The following SGSH variants were observed in gnomAD, a reference collection of about 807,000 sequenced individuals.
SGSH encodes N-sulfoglucosamine sulfohydrolase, also known as heparan sulfate sulfatase.
In SGSH, 48 loss-of-function variants were observed where a neutral mutation model predicts 51.0. That is an observed-to-expected ratio of 0.94 (90% CI 0.75 to 1.20). The LOEUF is 1.20. Among genes scored for constraint, SGSH ranks in the 50% most tolerant of loss-of-function variants. SGSH has a pLI of 0.00. For synonymous variants in SGSH, 321 were observed against 313.4 expected (o/e 1.02, Z -0.26); for missense variants, 662 against 717.8 (o/e 0.92, Z 0.89).
Position 80,209,893 on chromosome 17 carries a change from TGCCCAAAGGTC to T in SGSH, c.*548_*558del. The T allele has an allele frequency of 4.0e-6, 4 of 991,316 alleles. No individual in the cohort carries two copies. The highest frequency in any genetic ancestry group is 4.8e-6 in the Non-Finnish European group (4 of 833,218). The allele number at this position is 991,316 out of a possible 1,614,324, so 61.4% of individuals were successfully genotyped here. A position where few individuals can be genotyped will look rare whatever the true frequency, so the allele number is the denominator to read the frequency against. On this transcript the variant is annotated 3_prime_UTR_variant, in exon 8 of 8. Transcript: ENST00000326317. ...GGGCAAAACAGAAGAAGCAGAAACC[TGCCCAAAGGTC>T]GCTCAAAGGCTTCCTCTAGGCCAGA... is the stretch of plus-strand genomic sequence containing the variant.
At chr17:80,203,768 C>T (rs2041119880), downstream of SGSH, 2 of 1,448,416 alleles carry the variant, frequency 1.4e-6, no homozygotes, top group Non-Finnish European at 1.9e-6. The surrounding 1 kb of genome is among the most constrained non-coding windows in gnomAD (Gnocchi z 4.6). Flanking sequence ...CTCTCCCCTG[C>T]CCTGCTCACC....
chr17:80,205,384 T>G, downstream of SGSH: 1 of 1,225,292 alleles, frequency 8.2e-7, no homozygotes, highest in Non-Finnish European at 1.1e-6. Context: ...GAGCGGGGTG[T>G]GCAGGGTCAG....
Position 80,220,222 on chromosome 17 carries a change from T to G in SGSH, c.88+4A>C. 3 of 1,516,596 alleles carry G rather than the reference T, an allele frequency of 2.0e-6. No homozygotes were observed. Among genetic ancestry groups the G allele is most frequent in the Non-Finnish European group, 1.8e-6 (2 of 1,138,078 alleles). 93.9% of individuals were successfully genotyped at this position (1,516,596 alleles called of 1,614,324 possible). On this transcript the variant is annotated splice_donor_region_variant and intron_variant, in intron 1 of 7. Transcript: ENST00000326317. ...GGGCGTGGGGGGGCGGCGCCGGCACTCACCGAGGAGCAGCAGTGCGTTCCG... is the reference window on the plus strand; with the variant it reads ...GGGCGTGGGGGGGCGGCGCCGGCACGCACCGAGGAGCAGCAGTGCGTTCCG...
downstream of SGSH, chr17:80,202,510 C>T: frequency 1.3e-6 from 2 of 1,537,314 alleles, no homozygotes; most frequent in Non-Finnish European, 1.7e-6. Context: ...TCCTGCCCAG[C>T]AATAGAGGGT....
chr17:80,204,262 C>T (rs747692472), downstream of SGSH: 7 of 1,598,694 alleles, frequency 4.4e-6, no homozygotes, highest in Non-Finnish European at 5.1e-6. Flanking sequence ...TGGTCCGCAT[C>T]GTCAGTATGG....
rs1044472693 is a variant in SGSH, at chr17:80,220,303, G to T, written c.11C>A (p.Pro4His). 3.3e-6 allele frequency: 5 copies of T among 1,505,784 alleles called. No homozygotes were observed. The highest frequency in any genetic ancestry group is 2.7e-5 in the East Asian group (1 of 37,236). 93.3% of individuals were successfully genotyped at this position (1,505,784 alleles called of 1,614,324 possible). A position where few individuals can be genotyped will look rare whatever the true frequency, so the allele number is the denominator to read the frequency against. MSCPVPACCALLLV... is the reference protein window; with the variant it reads MSCHVPACCALLLV... ...CAGCAGCGCGCAGCAGGCGGGCACGGGGCAGCTCATGGCGGCGGCGGCTCG... is the reference window on the plus strand; with the variant it reads ...CAGCAGCGCGCAGCAGGCGGGCACGTGGCAGCTCATGGCGGCGGCGGCTCG... The change falls in exon 1 of 8, where the codon CCC becomes CAC. Residue 4 changes from proline to histidine, a missense_variant. Coordinates refer to ENST00000326317, the MANE Select transcript of SGSH (RefSeq NM_000199.5).
chr17:80,207,074 A>C (rs2041361338), downstream of SGSH: 1 of 1,613,404 alleles, frequency 6.2e-7, no homozygotes, highest in African/African-American at 1.3e-5. Flanking sequence ...AGAAGATGGC[A>C]AAGAAGCTCA....
chr17:80,212,017 C>G lies in SGSH; in HGVS notation c.949+54G>C. 2 of 1,474,642 alleles carry G rather than the reference C, an allele frequency of 1.4e-6. No homozygotes were observed. Among genetic ancestry groups the G allele is most frequent in the Non-Finnish European group, 1.9e-6 (2 of 1,055,784 alleles). The allele number at this position is 1,474,642 out of a possible 1,614,324, so 91.3% of individuals were successfully genotyped here. A position where few individuals can be genotyped will look rare whatever the true frequency, so the allele number is the denominator to read the frequency against. On this transcript the variant is annotated intron_variant, in intron 7 of 7. Transcript: ENST00000326317. The surrounding 1 kb of genome is among the most constrained non-coding windows in gnomAD (Gnocchi z 5.9). ...GGAGCAGCATCTGACAGGTCATGGCCCCGTCCCAGATCCACTCCCACACCT... is the reference window on the plus strand; with the variant it reads ...GGAGCAGCATCTGACAGGTCATGGCGCCGTCCCAGATCCACTCCCACACCT...
chr17:80,207,366 C>T (rs1028528952), downstream of SGSH, among the ~76,000 whole-genome samples: 3 of 152,192 alleles, frequency 2.0e-5, no homozygotes. Flanking sequence ...GCCTGGCCAA[C>T]ATGGAGAAAC....
chr17:80,202,352 T>C (rs1424622360), downstream of SGSH: 2 of 1,613,458 alleles, frequency 1.2e-6, no homozygotes, highest in Non-Finnish European at 1.7e-6. Context: ...GCTGCTGGCA[T>C]GCCCACCGCG....
At chr17:80,214,918 C>A in intron 3 of SGSH, 115 bp downstream of exon 3, 1 of 1,298,482 alleles carries the variant, frequency 7.7e-7, no homozygotes, top group Non-Finnish European at 1.1e-6. Context: ...GGGACAAGAG[C>A]TAAGGGCAGG....
At chr17:80,218,315 A>G (rs1344899654) in intron 1 of SGSH, among the ~76,000 whole-genome samples, 1 of 152,222 alleles carries the variant, frequency 6.6e-6, no homozygotes, top group Non-Finnish European at 1.5e-5. Flanking sequence ...TTCATCCTAC[A>G]CAAAGCAGCT....
At chr17:80,205,591 G>A (rs1328714675), downstream of SGSH, 2 of 1,572,846 alleles carry the variant, frequency 1.3e-6, no homozygotes, top group South Asian at 1.2e-5. Context: ...ATCCAGGAGG[G>A]AGAGGTGTCC....
chr17:80,208,112 G>C (rs559146307), downstream of SGSH: 307 of 1,217,088 alleles, frequency 2.5e-4, no homozygotes, highest in Non-Finnish European at 3.1e-4. Context: ...CCCTGAGCCC[G>C]CCCCCCCCAA....
intron 2 of SGSH, among the ~76,000 whole-genome samples, chr17:80,215,511 T>C (rs1190972328): frequency 2.0e-5 from 3 of 152,240 alleles, no homozygotes; most frequent in African/African-American, 7.2e-5. Flanking sequence ...TTGTAAAAGA[T>C]GTGTACATTT....
Position 80,210,678 on chromosome 17 carries a change from CGGAGGTCCTTG to C in SGSH, c.1272_1282del (p.Tyr424Ter), listed in dbSNP as rs752914124. ...CCAGCGCGCCCGGTAGTAGTAATGACGGAGGTCCTTGTACCAGCCCGTGGGCTGACCAGCTG... is the reference window on the plus strand; with the variant it reads ...CCAGCGCGCCCGGTAGTAGTAATGACTACCAGCCCGTGGGCTGACCAGCTG... On this transcript the variant is annotated stop_gained and frameshift_variant, in exon 8 of 8. Transcript: ENST00000326317. LOFTEE classifies it high-confidence loss of function. 101 of 1,614,036 alleles carry C rather than the reference CGGAGGTCCTTG, an allele frequency of 6.3e-5. No homozygotes were observed. Among genetic ancestry groups the C allele is most frequent in the Non-Finnish European group, 8.5e-5 (100 of 1,180,028 alleles).
rs138927823 is a variant in SGSH, at chr17:80,212,198, G to A, written c.822C>T (p.Asn274=). 8.1e-6 allele frequency: 13 copies of A among 1,613,304 alleles called. No homozygotes were observed. Among genetic ancestry groups the A allele is most frequent in the Middle Eastern group, 1.6e-4 (1 of 6,084 alleles). ...TCCTGCCGCTGGGGAAGGGGATCCC[G>A]TTGTCGGACGTGAAGATCACCAGTG... ...NDTLVIFTSD[N]GIPFPSGRTN... Residue 274 remains asparagine, a synonymous_variant, in exon 7 of 8, where the codon AAC becomes AAT. Coordinates refer to ENST00000326317, the MANE Select transcript of SGSH (RefSeq NM_000199.5). The surrounding 1 kb of genome is among the most constrained non-coding windows in gnomAD (Gnocchi z 5.9).
chr17:80,205,401 A>G (rs2041242283), downstream of SGSH: 1 of 1,329,350 alleles, frequency 7.5e-7, no homozygotes, highest in Non-Finnish European at 1.0e-6. Flanking sequence ...TCAGGTTTGT[A>G]AAGTGGACAT....
intron 2 of SGSH, 138 bp downstream of exon 2, chr17:80,216,894 G>A: frequency 1.2e-6 from 1 of 820,848 alleles, no homozygotes; most frequent in Non-Finnish European, 1.9e-6. Context: ...CATAGGCTGT[G>A]CCTCCTCCTG....
Sources: allele counts gnomAD v4.1 joint callset (sites outside exome capture counted in the v4.1 genomes callset), GRCh38; gene constraint gnomAD v4.1.1; non-coding constraint Gnocchi (gnomAD v3.1); transcripts MANE v1.5; gene names NCBI Gene and HGNC (gene_info 2026-07-23, HGNC 2026-07-21).